Variants in PCDHA9 observed in about 807,000 individuals in gnomAD.
The protein encoded by PCDHA9 is protocadherin alpha 9, also known as protocadherin alpha-9.
PCDHA9 carries 62 observed loss-of-function variants against 62.0 expected under a neutral mutation model. The ratio of observed to expected loss-of-function variants is 1.00; its 90% confidence interval spans 0.81 to 1.23. The LOEUF (loss-of-function observed/expected upper bound fraction) is 1.23. PCDHA9 is among the 50% of genes most tolerant of loss of function. The pLI, the probability that PCDHA9 is intolerant of heterozygous loss-of-function variation, is 0.00. For synonymous variants in PCDHA9, 557 were observed against 567.6 expected, an observed-to-expected ratio of 0.98 and a Z score of 0.27; for missense variants, 1,205 against 1,249.8, an observed-to-expected ratio of 0.96 and a Z score of 0.54.
At chr5:140,997,129 C>T (rs983112049) in intron 3 of PCDHA9, among the ~76,000 whole-genome samples, 1 of 152,094 alleles carries the variant, frequency 6.6e-6, no homozygotes, top group Non-Finnish European at 1.5e-5. Flanking sequence ...ATACACAATG[C>T]CCCCACACCC....
intron 1 of PCDHA9, chr5:140,926,624 G>A (rs2083414676): frequency 5.0e-6 from 2 of 400,148 alleles, no homozygotes; most frequent in Admixed American, 8.6e-5. Context: ...CCTAGGCGGC[G>A]CTGCGCTCCT....
intron 1 of PCDHA9, chr5:140,869,637 T>A: frequency 6.2e-7 from 1 of 1,613,610 alleles, no homozygotes; most frequent in Non-Finnish European, 8.5e-7. Flanking sequence ...ATGAGTATTT[T>A]TCTTTAGATT....
At chr5:140,995,515 C>T (rs1476035141) in intron 3 of PCDHA9, among the ~76,000 whole-genome samples, 2 of 152,078 alleles carry the variant, frequency 1.3e-5, no homozygotes, top group East Asian at 1.9e-4. Context: ...TAACTGAAGC[C>T]TCAGAAATCA....
chr5:140,882,346 G>A (rs146510190), intron 1 of PCDHA9: 86 of 1,614,078 alleles, frequency 5.3e-5, no homozygotes, highest in African/African-American at 9.3e-5. Flanking sequence ...CCTGGGAGAC[G>A]GGTAGTGGCC....
intron 1 of PCDHA9, chr5:140,857,407 G>C (rs372428918): frequency 6.3e-7 from 1 of 1,598,496 alleles, no homozygotes; most frequent in Admixed American, 1.7e-5. Context: ...ACGCGCCTGC[G>C]TTCGCGCAGT....
intron 1 of PCDHA9, chr5:140,968,410 T>G: frequency 6.2e-7 from 1 of 1,614,040 alleles, no homozygotes. Context: ...TCTTTGTGAC[T>G]GTGGAGGCTC....
intron 3 of PCDHA9, among the ~76,000 whole-genome samples, chr5:141,000,414 TA>T (rs1441995674): frequency 2.8e-4 from 28 of 99,544 alleles, no homozygotes; most frequent in African/African-American, 3.7e-4. Flanking sequence ...TATATATATA[TA>T]TATATATTTT....
At chr5:140,935,767 T>C (rs1373324342) in intron 1 of PCDHA9, among the ~76,000 whole-genome samples, 2 of 152,184 alleles carry the variant, frequency 1.3e-5, no homozygotes, top group Non-Finnish European at 2.9e-5. Flanking sequence ...TCTTCCCCAC[T>C]TTGAGTTTTT....
intron 1 of PCDHA9, chr5:140,875,848 A>T: frequency 1.2e-6 from 2 of 1,614,188 alleles, no homozygotes; most frequent in East Asian, 2.2e-5. Context: ...GGTGAAGGAC[A>T]TTAACGACAA....
chr5:140,939,171 T>C (rs2092330047), intron 1 of PCDHA9, among the ~76,000 whole-genome samples: 1 of 152,170 alleles, frequency 6.6e-6, no homozygotes. Flanking sequence ...TGTCTGGTAA[T>C]GGCCCACTCC....
chr5:140,990,427 AC>A (rs1488981685), intron 3 of PCDHA9, among the ~76,000 whole-genome samples: 5 of 152,174 alleles, frequency 3.3e-5, no homozygotes, highest in African/African-American at 1.2e-4. Flanking sequence ...ACCAGCATTG[AC>A]CCAATCTTGT....
In PCDHA9 at chr5:140,871,231, C is replaced by A. The variant is rs371096811; in HGVS notation, c.2394+20342C>A. The A allele has an allele frequency of 1.9e-6, 3 of 1,613,814 alleles. No individual in the cohort carries two copies. The African/African-American group carries it at 4.0e-5, about 22-fold the overall frequency. On this transcript the variant is annotated intron_variant, in intron 1 of 3. Coordinates refer to ENST00000532602, the MANE Select transcript of PCDHA9 (RefSeq NM_031857.2). ...CGCCATCTGCGTGGTGTCCAGCCTC[C>A]TGGTACTCACGCTGCTGCTGTATAC...
intron 3 of PCDHA9, among the ~76,000 whole-genome samples, chr5:140,988,509 TA>T (rs2097301045): frequency 6.6e-6 from 1 of 152,170 alleles, no homozygotes; most frequent in Non-Finnish European, 1.5e-5. Flanking sequence ...CCATGAAGCT[TA>T]CTTAAGTCTC....
intron 1 of PCDHA9, chr5:140,869,287 C>G (rs782369184): frequency 6.2e-7 from 1 of 1,613,538 alleles, no homozygotes; most frequent in South Asian, 1.1e-5. Flanking sequence ...GCTGGTGCAG[C>G]GCCTGTTCCG....
chr5:140,862,807 C>A, intron 1 of PCDHA9: 1 of 572,850 alleles, frequency 1.7e-6, no homozygotes. Flanking sequence ...GGAGCTGCTG[C>A]AGTTCTAGGT....
intron 1 of PCDHA9, chr5:140,883,610 G>C: frequency 6.2e-7 from 1 of 1,614,046 alleles, no homozygotes; most frequent in Non-Finnish European, 8.5e-7. Flanking sequence ...GGTGGCCGAC[G>C]TGAACGACAA....
intron 1 of PCDHA9, among the ~76,000 whole-genome samples, chr5:140,961,969 C>T (rs188846719): frequency 1.5e-4 from 23 of 151,904 alleles, no homozygotes; most frequent in African/African-American, 5.1e-4. Flanking sequence ...CTGCAACCTC[C>T]GCCTCCTGGG....
intron 3 of PCDHA9, among the ~76,000 whole-genome samples, chr5:140,990,307 A>C (rs1409511282): frequency 2.6e-5 from 4 of 152,132 alleles, no homozygotes; most frequent in Non-Finnish European, 5.9e-5. Flanking sequence ...TGTCTGTAAA[A>C]AACCAACCAA....
intron 1 of PCDHA9, among the ~76,000 whole-genome samples, chr5:140,900,615 T>C (rs1554189289): frequency 1.3e-5 from 2 of 152,336 alleles, no homozygotes; most frequent in East Asian, 3.9e-4. Context: ...GACATGTAGA[T>C]TGCTTCCAAA....
Sources: gnomAD v4.1 joint callset for allele counts (sites outside exome capture counted in the v4.1 genomes callset) on GRCh38, gnomAD v4.1.1 for gene constraint, MANE v1.5 for transcripts, NCBI Gene and HGNC (gene_info 2026-07-23, HGNC 2026-07-21) for gene names.